Variants in RGS3 observed in about 807,000 individuals in gnomAD.
RGS3 encodes the protein regulator of G-protein signalling 3.
RGS3 carries 80 observed loss-of-function variants against 132.6 expected under a neutral mutation model. That is an observed-to-expected ratio of 0.60 (90% CI 0.50 to 0.73). The LOEUF (loss-of-function observed/expected upper bound fraction) is 0.73. Among genes scored for constraint, RGS3 ranks in the 30% least tolerant of loss-of-function variants. The probability of loss-of-function intolerance (pLI) is 0.00; values close to 1 mark genes in which losing one functional copy is unlikely to be tolerated. For synonymous variants in RGS3, 598 were observed against 620.6 expected (o/e 0.96, Z 0.54); for missense variants, 1,382 against 1,530.8 (o/e 0.90, Z 1.62).
At chr9:113,454,603 A>G (rs1359774120) in intron 1 of RGS3, among the ~76,000 whole-genome samples, 1 of 152,086 alleles carries the variant, frequency 6.6e-6, no homozygotes, top group Non-Finnish European at 1.5e-5. Context: ...GCGAGACAGT[A>G]TCAAAAAAAC....
chr9:113,539,867 T>C (rs371837852), intron 19 of RGS3, among the ~76,000 whole-genome samples: 3 of 152,220 alleles, frequency 2.0e-5, no homozygotes, highest in African/African-American at 7.2e-5. Context: ...CAGGGGAAGA[T>C]GGACTTAAAG....
chr9:113,483,998 AG>A (rs1564470645), intron 5 of RGS3, 139 bp from the exon 4 acceptor site: 1 of 526,802 alleles, frequency 1.9e-6, no homozygotes, highest in Non-Finnish European at 3.4e-6. Flanking sequence ...AGCATCTGAC[AG>A]GGGACTCTAT....
chr9:113,505,654 T>C, intron 11 of RGS3, 131 bp downstream of exon 9: 1 of 693,740 alleles, frequency 1.4e-6, no homozygotes, highest in Non-Finnish European at 2.5e-6. Context: ...ATGAAAAGAA[T>C]AATATTTTTA....
chr9:113,548,026 T>C (rs1047877653), intron 19 of RGS3, among the ~76,000 whole-genome samples: 10 of 152,196 alleles, frequency 6.6e-5, no homozygotes, highest in South Asian at 2.1e-4. Context: ...CTGTAATCAA[T>C]ACTTAGGTGG....
Position 113,529,220 on chromosome 9 carries a change from G to A in RGS3, c.1871-1G>A. ...AAATCTTACTTTTTGTTCCCTCAAAGGTTCTTCAGAAGACCTGAAATTCTG... is the reference window on the plus strand; with the variant it reads ...AAATCTTACTTTTTGTTCCCTCAAAAGTTCTTCAGAAGACCTGAAATTCTG... On this transcript the variant is annotated splice_acceptor_variant, in intron 17 of 24. Coordinates refer to ENST00000350696, the Ensembl canonical transcript of RGS3. LOFTEE classifies it high-confidence loss of function. The A allele has an allele frequency of 6.2e-7, 1 of 1,612,814 alleles. No homozygotes were observed. Among genetic ancestry groups the A allele is most frequent in the Non-Finnish European group, 8.5e-7 (1 of 1,178,770 alleles).
intron 8 of RGS3, among the ~76,000 whole-genome samples, chr9:113,496,887 C>T (rs142013149): frequency 0.011 from 1,609 of 152,202 alleles, 16 homozygotes; most frequent in Middle Eastern, 0.024. Context: ...GCTTCATTCT[C>T]CTAGAAAAGA....
At chr9:113,550,996 C>T (rs992587485) in intron 19 of RGS3, among the ~76,000 whole-genome samples, 1 of 152,138 alleles carries the variant, frequency 6.6e-6, no homozygotes, top group African/African-American at 2.4e-5. Flanking sequence ...ATACAATTCA[C>T]CCATTTAAAG....
intron 21 of RGS3, chr9:113,593,672 TA>T: frequency 1.9e-6 from 1 of 539,348 alleles, no homozygotes; most frequent in Admixed American, 3.4e-5. Context: ...AGGTGCCCTG[TA>T]CAGGGGGTCT....
At chr9:113,594,042 AT>A (rs752722940) in intron 21 of RGS3, 27 of 1,611,828 alleles carry the variant, frequency 1.7e-5, no homozygotes, top group Admixed American at 1.7e-4. Context: ...GCCAGAAGGA[AT>A]TTTTTTTTCC....
intron 19 of RGS3, chr9:113,582,880 C>G (rs1274032796): frequency 1.3e-5 from 2 of 156,324 alleles, no homozygotes; most frequent in African/African-American, 2.4e-5. Flanking sequence ...CGGTTTCATT[C>G]CAGTTTAATA....
chr9:113,487,891 G>A (rs932279072), intron 7 of RGS3, among the ~76,000 whole-genome samples: 2 of 152,152 alleles, frequency 1.3e-5, no homozygotes, highest in Non-Finnish European at 2.9e-5. Flanking sequence ...TAGGTGCCGC[G>A]TCAGATTAAT....
intron 19 of RGS3, among the ~76,000 whole-genome samples, chr9:113,570,967 G>A (rs1356594462): frequency 2.6e-5 from 4 of 152,160 alleles, no homozygotes; most frequent in African/African-American, 9.7e-5. Context: ...GATGAGCGTA[G>A]CCTATCCTTG....
intron 19 of RGS3, among the ~76,000 whole-genome samples, chr9:113,574,421 G>A (rs572250029): frequency 1.2e-4 from 18 of 152,310 alleles, no homozygotes; most frequent in African/African-American, 4.3e-4. Flanking sequence ...TAGCAGGTGG[G>A]TGAGAGATGG....
chr9:113,575,729 G>A (rs1212834948), intron 19 of RGS3, among the ~76,000 whole-genome samples: 1 of 152,130 alleles, frequency 6.6e-6, no homozygotes, highest in African/African-American at 2.4e-5. Flanking sequence ...GAATTGTCTC[G>A]TCAGTCAGAA....
At chr9:113,527,451 C>G (rs1199316865) in intron 17 of RGS3, among the ~76,000 whole-genome samples, 3 of 152,204 alleles carry the variant, frequency 2.0e-5, no homozygotes, top group Admixed American at 6.5e-5. Context: ...TGTCTCCACC[C>G]TCAGCAACAC....
At chr9:113,576,098 G>A (rs906871975) in intron 19 of RGS3, among the ~76,000 whole-genome samples, 1 of 151,956 alleles carries the variant, frequency 6.6e-6, no homozygotes, top group Non-Finnish European at 1.5e-5. Flanking sequence ...TACTTGGGGG[G>A]CTGAGGCAGG....
intron 22 of RGS3, 41 bp downstream of exon 20, chr9:113,594,572 A>G (rs747592616): frequency 2.0e-6 from 3 of 1,524,414 alleles, no homozygotes. Flanking sequence ...TGGGGAACTC[A>G]CTGGCTCCCC....
intron 1 of RGS3, among the ~76,000 whole-genome samples, chr9:113,454,439 C>T (rs943522565): frequency 6.6e-6 from 1 of 151,894 alleles, no homozygotes; most frequent in Non-Finnish European, 1.5e-5. Flanking sequence ...GAAACCCTGT[C>T]TCTACTAAAA....
At chr9:113,529,028 GC>G (rs1419391675) in intron 17 of RGS3, among the ~76,000 whole-genome samples, 192 bp from the exon 16 acceptor site, 1 of 152,202 alleles carries the variant, frequency 6.6e-6, no homozygotes, top group African/African-American at 2.4e-5. Flanking sequence ...ATGCCTTAGA[GC>G]TGTACATTAC....
Sources: allele counts gnomAD v4.1 joint callset (sites outside exome capture counted in the v4.1 genomes callset), GRCh38; gene constraint gnomAD v4.1.1; transcripts MANE v1.5; gene names NCBI Gene and HGNC (gene_info 2026-07-23, HGNC 2026-07-21).